LPAR1: variants seen among roughly 807,000 people sequenced by gnomAD.
The protein encoded by LPAR1 is lysophosphatidic acid receptor 1.
LPAR1 carries 5 observed loss-of-function variants against 23.8 expected under a neutral mutation model. That is an observed-to-expected ratio of 0.21 (90% CI 0.11 to 0.44). The LOEUF is 0.44. Among genes scored for constraint, LPAR1 ranks in the 20% least tolerant of loss-of-function variants. The pLI, the probability that LPAR1 is intolerant of heterozygous loss-of-function variation, is 0.99. For synonymous variants in LPAR1, 160 were observed against 164.7 expected, an observed-to-expected ratio of 0.97 and a Z score of 0.22; for missense variants, 311 against 482.8, an observed-to-expected ratio of 0.64 and a Z score of 3.33.
Position 110,941,903 on chromosome 9 carries a change from T to C in LPAR1, c.311A>G (p.Tyr104Cys). ...ADFFAGLAYF[Y>C]LMFNTGPNTR... is the part of the protein sequence containing the mutation. ...ATTGGGTCCTGTGTTGAACATGAGA[T>C]AGAAGTAGGCCAACCCAGCAAAGAA... Residue 104 changes from tyrosine to cysteine, a missense_variant, in exon 5 of 6, where the codon TAT becomes TGT. Tyr to Cys is a radical substitution (Grantham distance 194). Coordinates refer to ENST00000683809, the MANE Select transcript of LPAR1 (RefSeq NM_001351411.2). The surrounding 1 kb of genome is among the most constrained non-coding windows in gnomAD (Gnocchi z 6.1). 6.2e-7 allele frequency: 1 copy of C among 1,614,140 alleles called. No individual in the cohort carries two copies. Among genetic ancestry groups the C allele is most frequent in the Non-Finnish European group, 8.5e-7 (1 of 1,180,014 alleles).
At chr9:111,028,524 C>A (rs986274062) in intron 2 of LPAR1, among the ~76,000 whole-genome samples, 2 of 151,560 alleles carry the variant, frequency 1.3e-5, no homozygotes, top group Admixed American at 6.6e-5. Flanking sequence ...AAAAAGAAAA[C>A]TAAGAATAAA....
chr9:110,956,294 G>A (rs946680901), intron 4 of LPAR1, among the ~76,000 whole-genome samples: 10 of 151,970 alleles, frequency 6.6e-5, no homozygotes, highest in African/African-American at 1.7e-4. Context: ...TGTAGGTGAC[G>A]GGTTGATGGG....
At position 110,910,034 on chromosome 9, in the gene LPAR1, C is replaced by A. The variant is rs2092177861; in HGVS notation, c.793+31387G>T. The stretch of plus-strand genomic sequence containing the variant: ...AAAGTGCTAGGATTATAGGCATGAG[C>A]CACCACATCTGGCCCAAATGTTATT... On this transcript the variant is annotated intron_variant, in intron 5 of 5. Transcript: ENST00000683809. 2.0e-5 allele frequency among the ~76,000 whole-genome samples: 3 copies of A among 152,098 alleles called. 1 individual carries two copies. In the South Asian group the frequency reaches 6.2e-4, roughly 32 times the overall value.
At chr9:110,879,639 C>T (rs546700801) in intron 5 of LPAR1, among the ~76,000 whole-genome samples, 1 of 152,274 alleles carries the variant, frequency 6.6e-6, no homozygotes, top group South Asian at 2.1e-4. Context: ...ACACCTCCCA[C>T]TATGGGATTG....
chr9:110,912,804 C>CT (rs145333452), intron 5 of LPAR1, among the ~76,000 whole-genome samples: 12,710 of 152,088 alleles, frequency 0.084, 1,813 homozygotes, highest in African/African-American at 0.28. Flanking sequence ...GTTCTTCCTT[C>CT]TTCACCCTCC....
At chr9:110,972,473 G>C (rs2138281051) in intron 3 of LPAR1, among the ~76,000 whole-genome samples, 1 of 152,312 alleles carries the variant, frequency 6.6e-6, no homozygotes, top group African/African-American at 2.4e-5. Flanking sequence ...TGGGAAGACA[G>C]TTTCAAGTTG....
At chr9:111,018,664 T>C (rs2140980388) in intron 2 of LPAR1, among the ~76,000 whole-genome samples, 1 of 152,368 alleles carries the variant, frequency 6.6e-6, no homozygotes, top group East Asian at 1.9e-4. Context: ...TTCTTCTTTA[T>C]ATTTTTCTTT....
intron 2 of LPAR1, among the ~76,000 whole-genome samples, chr9:111,030,889 T>C (rs1037839306): frequency 6.6e-6 from 1 of 152,038 alleles, no homozygotes; most frequent in Non-Finnish European, 1.5e-5. Context: ...CAAAAGAAAA[T>C]GGAGGCAGGC....
chr9:110,987,936 T>G (rs2139436936), intron 2 of LPAR1, among the ~76,000 whole-genome samples: 1 of 150,582 alleles, frequency 6.6e-6, no homozygotes, highest in East Asian at 2.0e-4. Flanking sequence ...AAATGCACAA[T>G]CAAATTTACA....
chr9:111,004,097 C>A (rs1440221296), intron 2 of LPAR1, among the ~76,000 whole-genome samples: 1 of 152,172 alleles, frequency 6.6e-6, no homozygotes, highest in Non-Finnish European at 1.5e-5. Flanking sequence ...TGCCATAGTT[C>A]TTTGTGCTCA....
chr9:111,034,862 C>T (rs948703918), intron 2 of LPAR1, among the ~76,000 whole-genome samples: 2 of 152,150 alleles, frequency 1.3e-5, no homozygotes, highest in Admixed American at 1.3e-4. Flanking sequence ...AACTTTCCAG[C>T]CTTCATCACC....
At chr9:110,939,565 G>A (rs2094950507) in intron 5 of LPAR1, among the ~76,000 whole-genome samples, 2 of 152,050 alleles carry the variant, frequency 1.3e-5, no homozygotes, top group Admixed American at 6.6e-5. Context: ...GTAGTAGTTG[G>A]GCATGGGAAA....
chr9:111,016,967 T>C (rs1009038169), intron 2 of LPAR1, among the ~76,000 whole-genome samples: 3 of 152,198 alleles, frequency 2.0e-5, no homozygotes, highest in African/African-American at 4.8e-5. Context: ...ACTCAATACA[T>C]TAAAGTACCT....
chr9:111,009,261 G>T (rs1383404961), intron 2 of LPAR1, among the ~76,000 whole-genome samples: 1 of 152,024 alleles, frequency 6.6e-6, no homozygotes, highest in Non-Finnish European at 1.5e-5. Context: ...TAATACAGCT[G>T]ATTAAGTGCA....
rs2078598974 is a variant in LPAR1, at chr9:110,873,951, T to C, written c.*1470A>G. 6.6e-6 allele frequency: 1 copy of C among 152,652 alleles called. No individual in the cohort carries two copies. Among genetic ancestry groups the C allele is most frequent in the East Asian group, 1.9e-4 (1 of 5,202 alleles). 9.5% of individuals were successfully genotyped at this position (152,652 alleles called of 1,614,324 possible). On this transcript the variant is annotated 3_prime_UTR_variant, in exon 6 of 6. Coordinates refer to ENST00000683809, the MANE Select transcript of LPAR1 (RefSeq NM_001351411.2). ...GACAGTTGAATTCTTCTAGTTGATC[T>C]TGTTGTATTAAAAAGTCACTCTCAA...
intron 5 of LPAR1, among the ~76,000 whole-genome samples, chr9:110,903,906 T>G (rs28634837): frequency 0.33 from 34,514 of 104,394 alleles, 7,369 homozygotes; most frequent in African/African-American, 0.65. Context: ...AAAAAAAAAG[T>G]CTTGAAAGCA....
chr9:110,880,530 G>A (rs1165993148), intron 5 of LPAR1, among the ~76,000 whole-genome samples: 2 of 152,216 alleles, frequency 1.3e-5, no homozygotes, highest in Non-Finnish European at 2.9e-5. Flanking sequence ...TCTAGAGACA[G>A]TGTCCAAGAT....
Position 110,879,859 on chromosome 9 carries a change from G to A in LPAR1, c.794-4137C>T, listed in dbSNP as rs533932678. Among the ~76,000 whole-genome samples the A allele has an allele frequency of 2.6e-5, 4 of 152,350 alleles. No homozygotes were observed. The South Asian group carries it at 8.3e-4, about 32-fold the overall frequency. On this transcript the variant is annotated intron_variant, in intron 5 of 5. Transcript: ENST00000683809. ...GACTCCATGAGATGGATGAGACAGA[G>A]AAGTCTAGAATGACTTCTAAATTTT...
chr9:110,977,846 G>GGGAAGGAAGGAA (rs1196226719), intron 2 of LPAR1, among the ~76,000 whole-genome samples: 97 of 75,232 alleles, frequency 1.3e-3, no homozygotes, highest in East Asian at 0.013. Context: ...GAAGGAAGGA[G>GGGAAGGAAGGAA]GGAAGGAAGG....
Sources: gnomAD v4.1 joint callset for allele counts (sites outside exome capture counted in the v4.1 genomes callset) on GRCh38, gnomAD v4.1.1 for gene constraint, Gnocchi (gnomAD v3.1) non-coding constraint, MANE v1.5 for transcripts, NCBI Gene and HGNC (gene_info 2026-07-23, HGNC 2026-07-21) for gene names.